The following PLXDC2 variants were observed in gnomAD, a reference collection of about 807,000 sequenced individuals.
PLXDC2 encodes plexin domain-containing protein 2.
In PLXDC2, 40 loss-of-function variants were observed where a neutral mutation model predicts 68.9. The observed-to-expected ratio is 0.58, with a 90% CI of 0.45 to 0.76. PLXDC2 has a LOEUF of 0.76. Ranked by LOEUF, PLXDC2 falls within the 30% of genes least tolerant of loss-of-function variation. PLXDC2 has a pLI of 0.00. For missense variants in PLXDC2, 644 were observed against 661.9 expected, an observed-to-expected ratio of 0.97 and a Z score of 0.30; for synonymous variants, 243 against 234.2, an observed-to-expected ratio of 1.04 and a Z score of -0.34.
At chr10:20,153,760 C>G (rs1309571613) in intron 6 of PLXDC2, among the ~76,000 whole-genome samples, 1 of 152,116 alleles carries the variant, frequency 6.6e-6, no homozygotes, top group South Asian at 2.1e-4. Context: ...AGTAACTTTT[C>G]CAAAGATATG....
intron 9 of PLXDC2, among the ~76,000 whole-genome samples, chr10:20,178,323 A>G (rs754447590): frequency 1.3e-5 from 2 of 152,246 alleles, no homozygotes; most frequent in Non-Finnish European, 2.9e-5. Context: ...AGACTGAATA[A>G]TCATTTGTTG....
intron 3 of PLXDC2, among the ~76,000 whole-genome samples, chr10:20,066,134 C>T (rs980776688): frequency 3.3e-5 from 5 of 152,298 alleles, no homozygotes; most frequent in Admixed American, 1.3e-4. Flanking sequence ...GTGAAGCAGA[C>T]GATAGTGGTA....
At chr10:19,954,956 T>C (rs1834044573) in intron 1 of PLXDC2, among the ~76,000 whole-genome samples, 1 of 152,166 alleles carries the variant, frequency 6.6e-6, no homozygotes, top group Non-Finnish European at 1.5e-5. Flanking sequence ...TGGGTGATTA[T>C]ATTACCTTCT....
chr10:19,948,924 G>A (rs372057319), intron 1 of PLXDC2, among the ~76,000 whole-genome samples: 7 of 151,776 alleles, frequency 4.6e-5, no homozygotes, highest in Non-Finnish European at 8.8e-5. Flanking sequence ...GAGGTCAAGC[G>A]ATCGAGATCG....
Position 19,919,594 on chromosome 10 carries a change from A to G in PLXDC2, c.113-82181A>G, listed in dbSNP as rs188688457. On this transcript the variant is annotated intron_variant, in intron 1 of 13. Transcript: ENST00000377252. The stretch of plus-strand genomic sequence containing the variant: ...AATTCAGAGAAAGACAGCAATATGT[A>G]TTGTCCTCACAGTTATTTCTTATGG... Among the ~76,000 whole-genome samples the G allele has an allele frequency of 4.3e-4, 66 of 152,368 alleles. No individual in the cohort carries two copies. In the East Asian group the frequency reaches 0.012, roughly 28 times the overall value.
chr10:20,033,600 A>G (rs1835535728), intron 2 of PLXDC2, among the ~76,000 whole-genome samples: 1 of 152,194 alleles, frequency 6.6e-6, no homozygotes, highest in Non-Finnish European at 1.5e-5. Context: ...GATATCTTAC[A>G]TGGTGGCAGG....
At chr10:20,094,538 T>C (rs1001113517) in intron 4 of PLXDC2, among the ~76,000 whole-genome samples, 3 of 121,288 alleles carry the variant, frequency 2.5e-5, no homozygotes, top group African/African-American at 1.0e-4. Context: ...GCCTTACAAC[T>C]GAGTTTGTTT....
At chr10:20,220,452 A>G (rs1185953134) in intron 12 of PLXDC2, among the ~76,000 whole-genome samples, 1 of 152,104 alleles carries the variant, frequency 6.6e-6, no homozygotes, top group South Asian at 2.1e-4. Flanking sequence ...TTATATGTAT[A>G]TTTATTAGAT....
chr10:19,931,505 G>T (rs986379115), intron 1 of PLXDC2, among the ~76,000 whole-genome samples: 2 of 152,156 alleles, frequency 1.3e-5, no homozygotes, highest in Non-Finnish European at 1.5e-5. Context: ...CAGTGGGCTC[G>T]CTATTTAAAG....
chr10:20,223,357 G>A (rs1025617770), intron 12 of PLXDC2, among the ~76,000 whole-genome samples: 3 of 129,124 alleles, frequency 2.3e-5, no homozygotes, highest in South Asian at 2.5e-4. Context: ...CTGTCCCCCC[G>A]GCTGGAGTGC....
intron 3 of PLXDC2, among the ~76,000 whole-genome samples, chr10:20,054,004 A>G (rs1382462894): frequency 2.0e-5 from 3 of 152,114 alleles, no homozygotes; most frequent in South Asian, 2.1e-4. Flanking sequence ...CCTGTCAAAG[A>G]AAGTAGTTAA....
At chr10:19,817,600 G>T (rs1235839534) in intron 1 of PLXDC2, among the ~76,000 whole-genome samples, 1 of 152,194 alleles carries the variant, frequency 6.6e-6, no homozygotes, top group Non-Finnish European at 1.5e-5. Flanking sequence ...GTGGGTGGGG[G>T]ACGTTGTGAA....
intron 1 of PLXDC2, among the ~76,000 whole-genome samples, chr10:19,862,949 T>G (rs1191324455): frequency 1.3e-5 from 2 of 152,206 alleles, no homozygotes; most frequent in Middle Eastern, 3.2e-3. Flanking sequence ...TGTGAAGAGC[T>G]TCGTATAATA....
chr10:19,902,484 T>C (rs1179819087), intron 1 of PLXDC2, among the ~76,000 whole-genome samples: 1 of 152,130 alleles, frequency 6.6e-6, no homozygotes, highest in African/African-American at 2.4e-5. Flanking sequence ...CTCAGCTTGG[T>C]TGCTGTTGGT....
chr10:20,115,149 A>G (rs1161498814), intron 4 of PLXDC2, among the ~76,000 whole-genome samples: 1 of 152,200 alleles, frequency 6.6e-6, no homozygotes, highest in East Asian at 1.9e-4. Flanking sequence ...CCAGAGGGCC[A>G]GCACGTTACT....
chr10:19,985,417 G>A (rs1435365165), intron 1 of PLXDC2, among the ~76,000 whole-genome samples: 1 of 152,144 alleles, frequency 6.6e-6, no homozygotes. Context: ...AGAGATTATT[G>A]TAGTGGATTT....
chr10:19,927,713 C>CAAAAAAAAAGAAAAAAAAAA, intron 1 of PLXDC2, among the ~76,000 whole-genome samples: 1 of 53,142 alleles, frequency 1.9e-5, no homozygotes, highest in Admixed American at 3.4e-4. Context: ...GGAAAAAAAG[C>CAAAAAAAAAGAAAAAAAAAA]AAAAAAAAAA....
chr10:20,049,021 C>A (rs865844549), intron 3 of PLXDC2, among the ~76,000 whole-genome samples: 1 of 152,052 alleles, frequency 6.6e-6, no homozygotes, highest in Non-Finnish European at 1.5e-5. Context: ...TAAATATATA[C>A]AATTGTTAGA....
intron 2 of PLXDC2, among the ~76,000 whole-genome samples, chr10:20,044,191 TTCTCTC>T (rs201580211): frequency 3.1e-4 from 39 of 127,500 alleles, no homozygotes; most frequent in African/African-American, 1.1e-3. Context: ...CTTTCTTTCT[TTCTCTC>T]TCTCTCTCTC....
Sources: gnomAD v4.1 joint callset for allele counts (sites outside exome capture counted in the v4.1 genomes callset) on GRCh38, gnomAD v4.1.1 for gene constraint, MANE v1.5 for transcripts, NCBI Gene and HGNC (gene_info 2026-07-23, HGNC 2026-07-21) for gene names.